NOL4L: variants seen among roughly 807,000 people sequenced by gnomAD.
NOL4L encodes nucleolar protein 4-like.
In NOL4L, 7 loss-of-function variants were observed where a neutral mutation model predicts 64.5. That is an observed-to-expected ratio of 0.11 (90% CI 0.06 to 0.20). The LOEUF (loss-of-function observed/expected upper bound fraction) is 0.20, where lower values mean the gene tolerates loss of function less well. NOL4L is among the 10% of genes least tolerant of loss of function. NOL4L has a pLI of 1.00. For synonymous variants in NOL4L, 413 were observed against 401.0 expected, an observed-to-expected ratio of 1.03 and a Z score of -0.36; for missense variants, 680 against 967.1, an observed-to-expected ratio of 0.70 and a Z score of 3.94.
chr20:32,497,845 C>T (rs1218262155), intron 4 of NOL4L, among the ~76,000 whole-genome samples: 1 of 152,216 alleles, frequency 6.6e-6, no homozygotes, highest in African/African-American at 2.4e-5. Context: ...TTCCCCCCTT[C>T]ATTCATGGAC....
At chr20:32,541,999 G>A (rs761384513) in intron 1 of NOL4L, among the ~76,000 whole-genome samples, 1 of 152,200 alleles carries the variant, frequency 6.6e-6, no homozygotes, top group Non-Finnish European at 1.5e-5. Context: ...AGAGCCTCAT[G>A]TTTATGGATC....
chr20:32,559,980 G>A (rs1978902555), intron 1 of NOL4L, among the ~76,000 whole-genome samples: 1 of 152,252 alleles, frequency 6.6e-6, no homozygotes, highest in Non-Finnish European at 1.5e-5. Flanking sequence ...CCAGACAAAG[G>A]CGGCGGTGTG....
chr20:32,521,922 G>A lies in NOL4L; in HGVS notation c.478-1000C>T, dbSNP rs1371474225. ...ATCACCCAAGCGTTCCGCTGTCCTC[G>A]CCGCAGCCCGCAGCCGGGCTGGGAA... On this transcript the variant is annotated intron_variant, in intron 2 of 10. Coordinates refer to ENST00000621426, the MANE Select transcript of NOL4L (RefSeq NM_001256798.2). 2.6e-5 allele frequency among the ~76,000 whole-genome samples: 4 copies of A among 152,244 alleles called. No homozygotes were observed. The South Asian group carries it at 6.2e-4, about 24-fold the overall frequency.
In NOL4L at chr20:32,456,247, A is replaced by G; in HGVS notation, c.990T>C (p.Asp330=). The part of the protein sequence containing the change: ...APMDFTTAAE[D]QPINLCDKLP... ...GCTTGTCACACAGGTTGATGGGCTG[A>G]TCCTCGGCGGCCGTGGTGAAGTCCA... The change falls in exon 6 of 11, where the codon GAT becomes GAC. Residue 330 remains aspartate (D), a synonymous_variant. Transcript: ENST00000621426. The G allele has an allele frequency of 1.9e-6, 3 of 1,606,300 alleles. No individual in the cohort carries two copies. The highest frequency in any genetic ancestry group is 2.6e-6 in the Non-Finnish European group (3 of 1,176,442).
At chr20:32,482,479 G>T (rs535879687) in intron 4 of NOL4L, among the ~76,000 whole-genome samples, 1 of 152,216 alleles carries the variant, frequency 6.6e-6, no homozygotes, top group African/African-American at 2.4e-5. Context: ...ATAAAAATGC[G>T]GATTGCACTC....
At position 32,464,815 on chromosome 20, in the gene NOL4L, A is replaced by G. The variant is rs2014403813; in HGVS notation, c.842-8420T>C. 2.4e-6 allele frequency: 1 copy of G among 409,164 alleles called. No homozygotes were observed. Among genetic ancestry groups the G allele is most frequent in the Non-Finnish European group, 4.4e-6 (1 of 229,140 alleles). 25.3% of individuals were successfully genotyped at this position (409,164 alleles called of 1,614,324 possible). On this transcript the variant is annotated intron_variant, in intron 5 of 10. Coordinates refer to ENST00000621426, the MANE Select transcript of NOL4L (RefSeq NM_001256798.2). The surrounding 1 kb of genome is among the most constrained non-coding windows in gnomAD (Gnocchi z 5.6). ...TAATCTACTTTATTTAACCCAATAT[A>G]TCCAAAATAGTACCATTTCAACAAA...
intron 4 of NOL4L, among the ~76,000 whole-genome samples, chr20:32,501,782 A>C (rs2016932119): frequency 6.6e-6 from 1 of 152,252 alleles, no homozygotes; most frequent in South Asian, 2.1e-4. Context: ...TGAAGAAAAA[A>C]TTGATACATC....
intron 1 of NOL4L, among the ~76,000 whole-genome samples, chr20:32,557,428 C>T (rs1279930176): frequency 3.3e-5 from 5 of 152,260 alleles, no homozygotes; most frequent in Non-Finnish European, 5.9e-5. Context: ...CCTCCTTGGC[C>T]TCCTGTGCAG....
chr20:32,486,545 T>C, intron 4 of NOL4L: 1 of 359,412 alleles, frequency 2.8e-6, no homozygotes, highest in Non-Finnish European at 5.7e-6. Flanking sequence ...GTCCCACAAG[T>C]GGGGACCTGG....
rs2012213895 is a variant in NOL4L at position 32,443,477 on chromosome 20, C to G, written c.*4119G>C. 6.6e-6 allele frequency: 1 copy of G among 152,186 alleles called. No homozygotes were observed. Among genetic ancestry groups the G allele is most frequent in the Non-Finnish European group, 1.5e-5 (1 of 68,038 alleles). 9.4% of individuals were successfully genotyped at this position (152,186 alleles called of 1,614,324 possible). ...AGAGGTGAAGCCATTAATAGAGTCACCTTTAAAAGTTGGTGCCATCCACTG... is the reference window on the plus strand; with the variant it reads ...AGAGGTGAAGCCATTAATAGAGTCAGCTTTAAAAGTTGGTGCCATCCACTG... On this transcript the variant is annotated 3_prime_UTR_variant, in exon 11 of 11. Transcript: ENST00000621426.
At chr20:32,503,384 C>A (rs2017003089) in intron 4 of NOL4L, among the ~76,000 whole-genome samples, 1 of 152,106 alleles carries the variant, frequency 6.6e-6, no homozygotes, top group African/African-American at 2.4e-5. Flanking sequence ...CAGAAGCGGA[C>A]AAGCAAGGCT....
intron 1 of NOL4L, among the ~76,000 whole-genome samples, chr20:32,583,204 C>T (rs1212853175): frequency 6.6e-6 from 1 of 151,536 alleles, no homozygotes; most frequent in Non-Finnish European, 1.5e-5. Flanking sequence ...TCGCGGCTCC[C>T]ACTCCCCGCG....
intron 1 of NOL4L, among the ~76,000 whole-genome samples, chr20:32,560,524 A>G (rs754859855): frequency 1.3e-5 from 2 of 152,242 alleles, no homozygotes; most frequent in Non-Finnish European, 2.9e-5. Context: ...AAAAAGAGAA[A>G]CAATGAACAT....
intron 1 of NOL4L, among the ~76,000 whole-genome samples, chr20:32,562,049 C>A (rs1979055932): frequency 1.3e-5 from 2 of 152,076 alleles, no homozygotes; most frequent in South Asian, 4.1e-4. Context: ...CAATGAAAGA[C>A]CACAGGCGCG....
chr20:32,529,665 G>A (rs1300431284), intron 1 of NOL4L, among the ~76,000 whole-genome samples: 1 of 152,148 alleles, frequency 6.6e-6, no homozygotes, highest in Non-Finnish European at 1.5e-5. Flanking sequence ...GTGGGGTCCC[G>A]AGCCCCACAG....
In NOL4L at chr20:32,459,226, C is replaced by T. The variant is rs140607255; in HGVS notation, c.842-2831G>A. 2.7e-5 allele frequency among the ~76,000 whole-genome samples: 4 copies of T among 150,772 alleles called. No homozygotes were observed. In the East Asian group the frequency reaches 5.8e-4, roughly 22 times the overall value. ...ATGTAAACAGATTTTAAAATATTGG[C>T]GACTCAGTTACATGGTTTACTTTTT... On this transcript the variant is annotated intron_variant, in intron 5 of 10. Coordinates refer to ENST00000621426, the MANE Select transcript of NOL4L (RefSeq NM_001256798.2).
At chr20:32,465,944 T>A (rs2014509061) in intron 5 of NOL4L, among the ~76,000 whole-genome samples, 1 of 149,932 alleles carries the variant, frequency 6.7e-6, no homozygotes, top group Non-Finnish European at 1.5e-5. Flanking sequence ...GATCCCCACG[T>A]GGCCCCACTG....
chr20:32,544,821 CA>C (rs1485242770), intron 1 of NOL4L, among the ~76,000 whole-genome samples: 1 of 152,218 alleles, frequency 6.6e-6, no homozygotes. Flanking sequence ...CAGCCTTGGT[CA>C]CTAGTAAAAT....
In NOL4L at chr20:32,452,302, C is replaced by G. The variant is rs777528566; in HGVS notation, c.1756G>C (p.Gly586Arg). The change falls in exon 10 of 11, where the codon GGG (glycine) becomes CGG (arginine). Residue 586 changes from glycine to arginine, a missense_variant. Physicochemically the swap from Gly to Arg is moderately radical, Grantham distance 125 (BLOSUM62 -2). Around this residue, in one of 4 missense-constraint regions of NOL4L, gnomAD observed 175 missense variants for 227.0 expected, o/e 0.77. Coordinates refer to ENST00000621426, the MANE Select transcript of NOL4L (RefSeq NM_001256798.2). ...AGGTTGCTGCTCAAGGCCCCGTACC[C>G]GCGGTAACTGTAGTTGAGGCCGCCG... ...ANGGLNYSYR[G>R]YGALSSNLQP... 92 of 1,607,762 alleles carry G rather than the reference C, an allele frequency of 5.7e-5. No homozygotes were observed. The highest frequency in any genetic ancestry group is 7.5e-5 in the Non-Finnish European group (88 of 1,176,724).
Sources: allele counts gnomAD v4.1 joint callset (sites outside exome capture counted in the v4.1 genomes callset), GRCh38; gene constraint gnomAD v4.1.1; regional missense constraint gnomAD v4.1.1; non-coding constraint Gnocchi (gnomAD v3.1); transcripts MANE v1.5; gene names NCBI Gene and HGNC (gene_info 2026-07-23, HGNC 2026-07-21).